The following DCC variants were observed in gnomAD, a reference collection of about 807,000 sequenced individuals.
DCC encodes netrin receptor DCC.
DCC carries 58 observed loss-of-function variants against 172.5 expected under a neutral mutation model. That is an observed-to-expected ratio of 0.34 (90% CI 0.27 to 0.42). The LOEUF (loss-of-function observed/expected upper bound fraction) is 0.42, where lower values mean the gene tolerates loss of function less well. Ranked by LOEUF, DCC falls within the 10% of genes least tolerant of loss-of-function variation. The pLI is 1.00. For missense variants in DCC, 1,740 were observed against 1,791.0 expected (o/e 0.97, Z 0.51); for synonymous variants, 709 against 644.5 (o/e 1.10, Z -1.52).
chr18:52,340,731 T>G lies in DCC; in HGVS notation c.-57T>G. 2 of 1,235,170 alleles carry G rather than the reference T, an allele frequency of 1.6e-6. No homozygotes were observed. Among genetic ancestry groups the G allele is most frequent in the Non-Finnish European group, 2.4e-6 (2 of 835,094 alleles). The allele number at this position is 1,235,170 out of a possible 1,614,324, so 76.5% of individuals were successfully genotyped here. On this transcript the variant is annotated 5_prime_UTR_variant, in exon 1 of 29. It removes an upstream start codon present in the reference 5' UTR. Coordinates refer to ENST00000442544, the MANE Select transcript of DCC (RefSeq NM_005215.4). The stretch of plus-strand genomic sequence containing the variant: ...ATGTGTGCATGCGTGTGTGAGTGCA[T>G]GTGTGTGAGTGCTGCCGCTGCCCGC...
chr18:53,516,413 C>G (rs952982080), intron 27 of DCC, among the ~76,000 whole-genome samples: 1 of 145,526 alleles, frequency 6.9e-6, no homozygotes, highest in African/African-American at 2.8e-5. Context: ...GTCGAAAACA[C>G]CAAAAGCAAT....
Position 53,259,816 on chromosome 18 carries a change from G to T in DCC, c.1911+44219G>T, listed in dbSNP as rs537300664. 2.0e-5 allele frequency among the ~76,000 whole-genome samples: 3 copies of T among 152,206 alleles called. No individual in the cohort carries two copies. In the East Asian group the frequency reaches 5.8e-4, roughly 29 times the overall value. ...TATCCTGCAGTATGTTTTCCAACTT[G>T]GTTCCATTCTCCCTGTCACTTTCAG... On this transcript the variant is annotated intron_variant, in intron 12 of 28. Transcript: ENST00000442544.
chr18:53,422,883 G>A (rs1910709432), intron 21 of DCC, among the ~76,000 whole-genome samples: 1 of 152,012 alleles, frequency 6.6e-6, no homozygotes, highest in Admixed American at 6.6e-5. Flanking sequence ...TTATTATTCG[G>A]CTGCTTGCTA....
At chr18:53,084,355 C>G (rs2042849356) in intron 7 of DCC, among the ~76,000 whole-genome samples, 1 of 152,202 alleles carries the variant, frequency 6.6e-6, no homozygotes, top group African/African-American at 2.4e-5. Flanking sequence ...CCAATCATCT[C>G]TCAAAGGACC....
intron 5 of DCC, among the ~76,000 whole-genome samples, chr18:52,937,827 A>C (rs970635528): frequency 7.0e-6 from 1 of 142,322 alleles, no homozygotes; most frequent in East Asian, 2.1e-4. Context: ...TCCTTCTGCC[A>C]CTTGTGACTT....
intron 9 of DCC, among the ~76,000 whole-genome samples, chr18:53,194,629 C>G (rs1217588349): frequency 2.0e-5 from 3 of 152,014 alleles, no homozygotes; most frequent in Admixed American, 1.3e-4. Context: ...GCCACTGCAC[C>G]CAGCTAATTT....
intron 7 of DCC, among the ~76,000 whole-genome samples, chr18:53,143,414 C>T (rs8088857): frequency 0.23 from 34,293 of 152,116 alleles, 5,114 homozygotes; most frequent in African/African-American, 0.43. Flanking sequence ...AAAACTCTTA[C>T]AATCTCCAGA....
intron 1 of DCC, among the ~76,000 whole-genome samples, chr18:52,611,063 G>A (rs1035800480): frequency 1.3e-5 from 2 of 152,088 alleles, no homozygotes; most frequent in African/African-American, 4.8e-5. Flanking sequence ...AATGTTGTAG[G>A]TATGTTTAAT....
At chr18:52,565,211 G>A (rs187209755) in intron 1 of DCC, among the ~76,000 whole-genome samples, 35 of 152,250 alleles carry the variant, frequency 2.3e-4, no homozygotes, top group Admixed American at 2.2e-3. Flanking sequence ...AAATGATAAT[G>A]TGTCACATTT....
At chr18:52,873,092 T>C (rs978739448) in intron 2 of DCC, among the ~76,000 whole-genome samples, 1 of 152,212 alleles carries the variant, frequency 6.6e-6, no homozygotes, top group African/African-American at 2.4e-5. Context: ...GCTGATTTTT[T>C]AAAAATACCT....
At chr18:53,089,245 C>T (rs1484752754) in intron 7 of DCC, among the ~76,000 whole-genome samples, 2 of 152,030 alleles carry the variant, frequency 1.3e-5, no homozygotes, top group African/African-American at 4.8e-5. Flanking sequence ...GCCACCACAC[C>T]CGGCTAATTT....
intron 1 of DCC, among the ~76,000 whole-genome samples, chr18:52,497,225 C>A (rs1432579700): frequency 7.0e-6 from 1 of 142,736 alleles, no homozygotes; most frequent in African/African-American, 2.6e-5. Flanking sequence ...GGCGCCACTG[C>A]TCTCCAGCCT....
intron 15 of DCC, among the ~76,000 whole-genome samples, chr18:53,373,249 T>G (rs1342982791): frequency 2.0e-5 from 3 of 152,218 alleles, no homozygotes; most frequent in Non-Finnish European, 2.9e-5. Flanking sequence ...GGTTTCCTCA[T>G]GTGGATAGTA....
intron 2 of DCC, among the ~76,000 whole-genome samples, chr18:52,843,082 C>A (rs191614843): frequency 2.0e-5 from 3 of 152,042 alleles, no homozygotes; most frequent in Admixed American, 1.3e-4. Flanking sequence ...AATGTTACAG[C>A]CTTTACTGTA....
At chr18:52,918,638 T>C (rs2040074909) in intron 3 of DCC, among the ~76,000 whole-genome samples, 1 of 152,090 alleles carries the variant, frequency 6.6e-6, no homozygotes, top group African/African-American at 2.4e-5. Context: ...CACCCATAAT[T>C]CCATCACACA....
chr18:52,797,652 GGGTCTGACCTCAGGCC>G (rs1354140020), intron 2 of DCC, among the ~76,000 whole-genome samples: 1 of 152,190 alleles, frequency 6.6e-6, no homozygotes, highest in Non-Finnish European at 1.5e-5. Context: ...TACAAATGTT[GGGTCTGACCTCAGGCC>G]TCTGGATGGT....
At chr18:53,043,269 C>G (rs908586733) in intron 5 of DCC, among the ~76,000 whole-genome samples, 16 of 149,890 alleles carry the variant, frequency 1.1e-4, no homozygotes, top group African/African-American at 3.9e-4. Flanking sequence ...ACAAAGAGAA[C>G]ACATGAACAC....
intron 1 of DCC, among the ~76,000 whole-genome samples, chr18:52,380,616 T>C (rs1985544702): frequency 6.6e-6 from 1 of 152,154 alleles, no homozygotes; most frequent in South Asian, 2.1e-4. Context: ...GTTTTACATT[T>C]GTCTCTGAAT....
At chr18:52,733,019 C>T (rs1400510021) in intron 1 of DCC, among the ~76,000 whole-genome samples, 2 of 152,148 alleles carry the variant, frequency 1.3e-5, no homozygotes, top group East Asian at 3.9e-4. Context: ...GTAAATGTCC[C>T]CTGTTTGTAG....
Sources: allele counts gnomAD v4.1 joint callset (sites outside exome capture counted in the v4.1 genomes callset), GRCh38; gene constraint gnomAD v4.1.1; transcripts MANE v1.5; gene names NCBI Gene and HGNC (gene_info 2026-07-23, HGNC 2026-07-21).